The following SHOC1 variants were observed in gnomAD, a reference collection of about 807,000 sequenced individuals.
SHOC1 encodes the protein protein shortage in chiasmata 1 ortholog.
SHOC1 carries 136 observed loss-of-function variants against 179.2 expected under a neutral mutation model. The ratio of observed to expected loss-of-function variants is 0.76; its 90% CI spans 0.66 to 0.87. The LOEUF is 0.87. SHOC1 is among the 40% of genes least tolerant of loss of function. The probability of loss-of-function intolerance (pLI) is 0.00; values close to 1 mark genes in which losing one functional copy is unlikely to be tolerated. For synonymous variants in SHOC1, 489 were observed against 586.6 expected (o/e 0.83, Z 2.41); for missense variants, 1,538 against 1,700.8 (o/e 0.90, Z 1.68).
At chr9:111,778,822 G>A (rs1025178044) in intron 4 of SHOC1, among the ~76,000 whole-genome samples, 1 of 150,342 alleles carries the variant, frequency 6.7e-6, no homozygotes, top group Non-Finnish European at 1.5e-5. Flanking sequence ...GTACTGGTGG[G>A]GAATGGTGGC....
At chr9:111,709,075 T>C (rs943812127) in intron 18 of SHOC1, among the ~76,000 whole-genome samples, 1 of 152,258 alleles carries the variant, frequency 6.6e-6, no homozygotes, top group Non-Finnish European at 1.5e-5. Flanking sequence ...GTGCAGTGGC[T>C]CACGCCTGTA....
At position 111,707,628 on chromosome 9, in the gene SHOC1, G is replaced by A. The variant is rs62569954; in HGVS notation, c.2558+227C>T. 7.9e-3 allele frequency among the ~76,000 whole-genome samples: 1,204 copies of A among 152,088 alleles called. 7 individuals are homozygous for A. The highest frequency in any genetic ancestry group is 0.013 in the Non-Finnish European group (891 of 67,944). On this transcript the variant is annotated intron_variant, in intron 19 of 27. Transcript: ENST00000682961. ...AACAATATTATTATTATTATTTGGGGATATTAAAATAAGATTGAATTACAT... is the reference window on the plus strand; with the variant it reads ...AACAATATTATTATTATTATTTGGGAATATTAAAATAAGATTGAATTACAT...
rs746856415 is a variant in SHOC1 at position 111,759,173 on chromosome 9, C to T, written c.443-325G>A. Reference sequence around the variant, plus strand: ...GGACTTACACTTCAAAATAGCCAGGCGTAGCCTAAGCAAAATTTTAAAGAA... The same window carrying T: ...GGACTTACACTTCAAAATAGCCAGGTGTAGCCTAAGCAAAATTTTAAAGAA... On this transcript the variant is annotated intron_variant, in intron 5 of 27. Coordinates refer to ENST00000682961, the MANE Select transcript of SHOC1 (RefSeq NM_001378211.1). 114 of 1,611,612 alleles carry T rather than the reference C, an allele frequency of 7.1e-5. 1 individual carries two copies. The highest frequency in any genetic ancestry group is 5.4e-4 in the South Asian group (49 of 90,802).
At chr9:111,708,359 C>A (rs1456761485) in intron 18 of SHOC1, among the ~76,000 whole-genome samples, 1 of 151,984 alleles carries the variant, frequency 6.6e-6, no homozygotes, top group Non-Finnish European at 1.5e-5. Context: ...CCTGCCACCA[C>A]GCCCAGCCAA....
chr9:111,738,701 G>A (rs905591326), intron 11 of SHOC1, among the ~76,000 whole-genome samples, 179 bp from the exon 12 acceptor site: 1 of 152,214 alleles, frequency 6.6e-6, no homozygotes, highest in African/African-American at 2.4e-5. Flanking sequence ...ATTTGTAAAA[G>A]TTTAAGCTAT....
At chr9:111,694,604 C>A (rs1249056283) in intron 24 of SHOC1, among the ~76,000 whole-genome samples, 2 of 151,822 alleles carry the variant, frequency 1.3e-5, no homozygotes, top group Non-Finnish European at 2.9e-5. Context: ...ATTTTCATTT[C>A]ATTTGGCATT....
chr9:111,691,527 T>C (rs769758343), intron 27 of SHOC1, 24 bp downstream of exon 27: 1 of 1,533,746 alleles, frequency 6.5e-7, no homozygotes, highest in Admixed American at 2.2e-5. Flanking sequence ...GAGAGTAGTT[T>C]TATCAACTAT....
At position 111,702,107 on chromosome 9, in the gene SHOC1, T is replaced by C; in HGVS notation, c.3087A>G (p.Ser1029=). ...IILYTKETLN[S]EYLLTEKTLH... ...TGGATGAAGAAATGTTTACCTACTCTGAATTTAATGTTTCTTTGGTATATA... is the reference window on the plus strand; with the variant it reads ...TGGATGAAGAAATGTTTACCTACTCCGAATTTAATGTTTCTTTGGTATATA... Residue 1029 remains serine, a splice_region_variant and synonymous_variant, in exon 23 of 28, where the codon TCA becomes TCG. Transcript: ENST00000682961. 6.8e-7 allele frequency: 1 copy of C among 1,477,968 alleles called. No homozygotes were observed. The highest frequency in any genetic ancestry group is 9.3e-7 in the Non-Finnish European group (1 of 1,077,486). 91.6% of individuals were successfully genotyped at this position (1,477,968 alleles called of 1,614,324 possible).
intron 16 of SHOC1, among the ~76,000 whole-genome samples, chr9:111,715,503 C>T (rs1428413111): frequency 1.3e-5 from 2 of 152,140 alleles, no homozygotes; most frequent in Admixed American, 1.3e-4. Context: ...TCCATATTGC[C>T]ATGAGAATTA....
chr9:111,716,381 CTTTTTTTTTTTTTT>C (rs34548781), intron 16 of SHOC1, among the ~76,000 whole-genome samples: 2 of 67,742 alleles, frequency 3.0e-5, no homozygotes, highest in East Asian at 5.7e-4. Flanking sequence ...TCTTTTCTCC[CTTTTTTTTTTTTTT>C]TTTTTTTTTT....
At position 111,754,759 on chromosome 9, in the gene SHOC1, ATT is replaced by A. The variant is rs369789830; in HGVS notation, c.862+1564_862+1565del. 4.6e-5 allele frequency among the ~76,000 whole-genome samples: 7 copies of A among 152,344 alleles called. No homozygotes were observed. The East Asian group carries it at 1.2e-3, about 25-fold the overall frequency. ...ATGTGCTATAGCCATACAATGGAAT[ATT>A]GTTTAGCCATAAAAATGAATGAAGT... On this transcript the variant is annotated intron_variant, in intron 8 of 27. Transcript: ENST00000682961.
At chr9:111,770,410 T>C (rs768453876) in intron 5 of SHOC1, among the ~76,000 whole-genome samples, 2 of 152,174 alleles carry the variant, frequency 1.3e-5, no homozygotes, top group Non-Finnish European at 2.9e-5. Context: ...ATTTTGAAAA[T>C]TTTTTCAGAT....
At chr9:111,778,586 T>C (rs1264060884) in intron 4 of SHOC1, among the ~76,000 whole-genome samples, 1 of 151,942 alleles carries the variant, frequency 6.6e-6, no homozygotes, top group African/African-American at 2.4e-5. Flanking sequence ...CTGACCAACA[T>C]GGTGAAACTC....
In SHOC1 at chr9:111,781,750, A is replaced by AAATAAATAAATAAATTAATTAATTAATT. The variant is rs765900257; in HGVS notation, c.170-734_170-733insAATTAATTAATTAATTTATTTATTTATT. Among the ~76,000 whole-genome samples, 1,038 of 150,954 alleles carry AAATAAATAAATAAATTAATTAATTAATT rather than the reference A, an allele frequency of 6.9e-3. 14 individuals carry two copies. Among genetic ancestry groups the AAATAAATAAATAAATTAATTAATTAATT allele is most frequent in the African/African-American group, 0.023 (949 of 41,032 alleles). ...TAAATAAATAAATAAATAAATAAAT[A>AAATAAATAAATAAATTAATTAATTAATT]AATTTGTATGTGTACATAGCTTATC... On this transcript the variant is annotated intron_variant, in intron 3 of 27. Transcript: ENST00000682961.
intron 24 of SHOC1, among the ~76,000 whole-genome samples, chr9:111,698,568 C>A (rs886878518): frequency 2.6e-5 from 4 of 152,044 alleles, no homozygotes; most frequent in Non-Finnish European, 4.4e-5. Flanking sequence ...GTTTTGGTAC[C>A]AGTACCATGC....
intron 3 of SHOC1, among the ~76,000 whole-genome samples, chr9:111,784,223 C>T (rs539374248): frequency 3.7e-4 from 57 of 152,194 alleles, no homozygotes; most frequent in African/African-American, 1.3e-3. Flanking sequence ...ATAATCTGGC[C>T]GAAGCACAGC....
In SHOC1 at chr9:111,758,125, AG is replaced by A; in HGVS notation, c.666del (p.Cys224ValfsTer5). On this transcript the variant is annotated frameshift_variant, in exon 7 of 28. Transcript: ENST00000682961. LOFTEE classifies it high-confidence loss of function. ...GTATCTTCTAGTTTCTCTTGACAAA[AG>A]TTCACTTTATCCATACAAAAATCTT... ...VKEDFCMDKV[N>X]FCQEKLEDTI... 6.3e-7 allele frequency: 1 copy of A among 1,585,808 alleles called. No homozygotes were observed. Among genetic ancestry groups the A allele is most frequent in the Non-Finnish European group, 8.6e-7 (1 of 1,163,152 alleles).
At chr9:111,776,046 T>C (rs1589468526) in intron 4 of SHOC1, 71 bp from the exon 5 acceptor site, 2 of 1,151,160 alleles carry the variant, frequency 1.7e-6, no homozygotes, top group Non-Finnish European at 2.5e-6. Context: ...AGATAATATA[T>C]GTCCACTGTG....
chr9:111,748,939 T>G (rs1412780207), intron 8 of SHOC1, among the ~76,000 whole-genome samples: 3 of 144,598 alleles, frequency 2.1e-5, no homozygotes, highest in African/African-American at 7.7e-5. Context: ...CCACCCTAGA[T>G]GTCTGACACA....
Sources: gnomAD v4.1 joint callset for allele counts (sites outside exome capture counted in the v4.1 genomes callset) on GRCh38, gnomAD v4.1.1 for gene constraint, MANE v1.5 for transcripts, NCBI Gene and HGNC (gene_info 2026-07-23, HGNC 2026-07-21) for gene names.